KCNIP4: variants seen among roughly 807,000 people sequenced by gnomAD.
KCNIP4 encodes Kv channel-interacting protein 4.
Under a neutral mutation model 34.0 loss-of-function variants are expected in KCNIP4, and 12 were observed. The observed-to-expected ratio is 0.35, with a 90% CI of 0.23 to 0.57. The LOEUF is 0.57. Ranked by LOEUF, KCNIP4 falls within the 20% of genes least tolerant of loss-of-function variation. The probability of loss-of-function intolerance (pLI) is 0.83; values close to 1 mark genes in which losing one functional copy is unlikely to be tolerated. For missense variants in KCNIP4, 238 were observed against 311.7 expected (o/e 0.76, Z 1.78); for synonymous variants, 124 against 102.2 (o/e 1.21, Z -1.29).
intron 1 of KCNIP4, among the ~76,000 whole-genome samples, chr4:21,431,008 A>G (rs1402478076): frequency 6.6e-6 from 1 of 152,154 alleles, no homozygotes. Flanking sequence ...AATGGAATGG[A>G]ATATGCTTCT....
intron 1 of KCNIP4, among the ~76,000 whole-genome samples, chr4:21,192,369 T>A (rs1755717023): frequency 6.6e-6 from 1 of 152,196 alleles, no homozygotes; most frequent in East Asian, 1.9e-4. Flanking sequence ...TGCATTTTTT[T>A]AAAGTTGAAA....
chr4:20,733,288 CAT>C (rs1748796556), intron 6 of KCNIP4, among the ~76,000 whole-genome samples: 1 of 152,100 alleles, frequency 6.6e-6, no homozygotes, highest in South Asian at 2.1e-4. Context: ...ACTTAAGTCA[CAT>C]GTGAAGACTA....
At chr4:21,062,409 A>G (rs1743997811) in intron 1 of KCNIP4, among the ~76,000 whole-genome samples, 1 of 152,088 alleles carries the variant, frequency 6.6e-6, no homozygotes, top group Admixed American at 6.6e-5. Context: ...TTGTGACTAT[A>G]GATGTAATTA....
At chr4:20,751,938 T>A (rs935498333) in intron 4 of KCNIP4, among the ~76,000 whole-genome samples, 1 of 152,166 alleles carries the variant, frequency 6.6e-6, no homozygotes, top group African/African-American at 2.4e-5. Context: ...CTGCCTGAAT[T>A]TCAATCTCAG....
At chr4:21,357,922 A>G (rs962131735) in intron 1 of KCNIP4, among the ~76,000 whole-genome samples, 4 of 152,210 alleles carry the variant, frequency 2.6e-5, no homozygotes, top group Non-Finnish European at 4.4e-5. Context: ...ACTAACCCAA[A>G]TGTCCATCAA....
chr4:21,466,064 C>T (rs1729902238), intron 1 of KCNIP4, among the ~76,000 whole-genome samples: 1 of 152,074 alleles, frequency 6.6e-6, no homozygotes, highest in Admixed American at 6.6e-5. Flanking sequence ...CATTATCATC[C>T]AGCCCTTACA....
At chr4:21,559,442 T>C (rs1319016964) in intron 1 of KCNIP4, among the ~76,000 whole-genome samples, 1 of 152,148 alleles carries the variant, frequency 6.6e-6, no homozygotes, top group Non-Finnish European at 1.5e-5. Context: ...TCACCATATA[T>C]GCATTCACCA....
At chr4:21,011,952 GA>G (rs1739099578) in intron 1 of KCNIP4, among the ~76,000 whole-genome samples, 1 of 152,224 alleles carries the variant, frequency 6.6e-6, no homozygotes. Context: ...GGATTATAAT[GA>G]AAGAAGCTCT....
At chr4:21,123,726 T>A (rs1750364239) in intron 1 of KCNIP4, among the ~76,000 whole-genome samples, 1 of 152,172 alleles carries the variant, frequency 6.6e-6, no homozygotes, top group Non-Finnish European at 1.5e-5. Flanking sequence ...TGGGTTGAGA[T>A]AAGGTCATGT....
At chr4:21,843,147 T>C (rs1184986713) in intron 1 of KCNIP4, among the ~76,000 whole-genome samples, 3 of 152,096 alleles carry the variant, frequency 2.0e-5, no homozygotes, top group African/African-American at 4.8e-5. Flanking sequence ...TTAGCATCTT[T>C]TGAAAACTAA....
At chr4:21,396,843 G>A (rs1278771603) in intron 1 of KCNIP4, among the ~76,000 whole-genome samples, 1 of 152,188 alleles carries the variant, frequency 6.6e-6, no homozygotes, top group Non-Finnish European at 1.5e-5. Flanking sequence ...CTCTCTTAGA[G>A]ATTCCAGAAG....
At chr4:21,040,484 G>A (rs1232667338) in intron 1 of KCNIP4, among the ~76,000 whole-genome samples, 1 of 152,130 alleles carries the variant, frequency 6.6e-6, no homozygotes, top group East Asian at 1.9e-4. Flanking sequence ...CAGAAAATTG[G>A]ATTTGGGTTT....
intron 1 of KCNIP4, among the ~76,000 whole-genome samples, chr4:21,416,900 A>C (rs1724995479): frequency 6.6e-6 from 1 of 152,206 alleles, no homozygotes; most frequent in Admixed American, 6.5e-5. Flanking sequence ...AGTGATGCCA[A>C]GGTTATTACT....
At chr4:21,683,087 C>T (rs1249829270) in intron 1 of KCNIP4, among the ~76,000 whole-genome samples, 2 of 152,112 alleles carry the variant, frequency 1.3e-5, no homozygotes, top group Non-Finnish European at 2.9e-5. Context: ...AAGCAAAGAA[C>T]AATACGATGA....
chr4:21,654,253 T>A (rs1747741218), intron 1 of KCNIP4, among the ~76,000 whole-genome samples: 1 of 152,072 alleles, frequency 6.6e-6, no homozygotes, highest in Non-Finnish European at 1.5e-5. Flanking sequence ...GCCCTCAGAG[T>A]ATCATATAAT....
intron 1 of KCNIP4, among the ~76,000 whole-genome samples, chr4:20,966,136 G>T (rs1255276388): frequency 6.6e-6 from 1 of 152,164 alleles, no homozygotes; most frequent in East Asian, 1.9e-4. Flanking sequence ...GAAGATAGAT[G>T]TAGGATTTGG....
At chr4:21,905,949 G>A (rs918276685) in intron 1 of KCNIP4, among the ~76,000 whole-genome samples, 26 of 152,110 alleles carry the variant, frequency 1.7e-4, no homozygotes, top group South Asian at 8.3e-4. Flanking sequence ...CTTGCCACAC[G>A]TAACACTTGT....
intron 1 of KCNIP4, among the ~76,000 whole-genome samples, chr4:21,635,633 G>T (rs7666875): frequency 0.35 from 53,237 of 151,746 alleles, 9,882 homozygotes; most frequent in Non-Finnish European, 0.41. Flanking sequence ...AAAAAGTCAG[G>T]AAACAACAGG....
rs189729897 is a variant in KCNIP4 at position 20,846,565 on chromosome 4, A to G, written c.288+3978T>C. On this transcript the variant is annotated intron_variant, in intron 3 of 8. Coordinates refer to ENST00000382152, the MANE Select transcript of KCNIP4 (RefSeq NM_025221.6). ...ATTTTTAATAGATTAAGGACTTCAG[A>G]TTAAAAAAAAGAAGAATTCCTAAAC... 1.1e-3 allele frequency among the ~76,000 whole-genome samples: 174 copies of G among 152,266 alleles called. 1 individual carries two copies. Among genetic ancestry groups the G allele is most frequent in the Admixed American group, 2.8e-3 (43 of 15,272 alleles).
Sources: allele counts gnomAD v4.1 joint callset (sites outside exome capture counted in the v4.1 genomes callset), GRCh38; gene constraint gnomAD v4.1.1; transcripts MANE v1.5; gene names NCBI Gene and HGNC (gene_info 2026-07-23, HGNC 2026-07-21).